Variants in ETFA observed in about 807,000 individuals in gnomAD.
ETFA encodes the protein electron transfer flavoprotein subunit alpha, mitochondrial.
ETFA carries 22 observed loss-of-function variants against 46.2 expected under a neutral mutation model. That is an observed-to-expected ratio of 0.48 (90% confidence interval 0.34 to 0.68). The LOEUF is 0.68. ETFA is among the 30% of genes least tolerant of loss of function. ETFA has a pLI of 0.01. For synonymous variants in ETFA, 131 were observed against 139.9 expected (o/e 0.94, Z 0.45); for missense variants, 345 against 401.1 (o/e 0.86, Z 1.19).
intron 10 of ETFA, among the ~76,000 whole-genome samples, chr15:76,226,713 C>T (rs2039008171): frequency 6.6e-6 from 1 of 152,164 alleles, no homozygotes; most frequent in African/African-American, 2.4e-5. Context: ...CCCGTCTCTA[C>T]TAAAAAACAC....
At chr15:76,290,328 C>T (rs1419893967) in intron 4 of ETFA, among the ~76,000 whole-genome samples, 1 of 100,774 alleles carries the variant, frequency 9.9e-6, no homozygotes, top group Non-Finnish European at 2.3e-5. Flanking sequence ...GCCAAAGTCG[C>T]TACTCTTTTT....
At chr15:76,311,126 G>A (rs949122289) in intron 1 of ETFA, among the ~76,000 whole-genome samples, 1 of 152,162 alleles carries the variant, frequency 6.6e-6, no homozygotes, top group Non-Finnish European at 1.5e-5. Flanking sequence ...CACATCATTC[G>A]GGGTCACCCT....
At chr15:76,263,387 C>T (rs1024014356) in intron 9 of ETFA, among the ~76,000 whole-genome samples, 35 of 152,168 alleles carry the variant, frequency 2.3e-4, no homozygotes, top group African/African-American at 7.2e-4. Flanking sequence ...CATGTGAAAG[C>T]GGAGGATGCA....
At chr15:76,245,839 A>G (rs896203400) in intron 9 of ETFA, among the ~76,000 whole-genome samples, 3 of 152,246 alleles carry the variant, frequency 2.0e-5, no homozygotes, top group Admixed American at 6.5e-5. Flanking sequence ...AAGGCAATCT[A>G]GAAATAAGTA....
chr15:76,272,893 T>A (rs1392549361), intron 9 of ETFA, among the ~76,000 whole-genome samples: 1 of 151,222 alleles, frequency 6.6e-6, no homozygotes, highest in East Asian at 1.9e-4. Flanking sequence ...GCTCAATAAA[T>A]CCACTCTCAC....
At chr15:76,258,453 G>C (rs1165834866) in intron 9 of ETFA, among the ~76,000 whole-genome samples, 1 of 152,158 alleles carries the variant, frequency 6.6e-6, no homozygotes, top group Non-Finnish European at 1.5e-5. Flanking sequence ...AAGTGATGAA[G>C]ATTCAGACCT....
At chr15:76,259,730 A>T in intron 9 of ETFA, 1 of 1,495,054 alleles carries the variant, frequency 6.7e-7, no homozygotes. Flanking sequence ...CCCTGCCAGC[A>T]TGCAGTTCCG....
intron 9 of ETFA, among the ~76,000 whole-genome samples, chr15:76,267,527 C>T (rs778722879): frequency 2.2e-4 from 34 of 151,904 alleles, no homozygotes; most frequent in Non-Finnish European, 3.4e-4. Flanking sequence ...ACTCAAAAAG[C>T]CCCCACTGGA....
intron 9 of ETFA, among the ~76,000 whole-genome samples, chr15:76,248,830 T>C (rs1258057989): frequency 2.0e-5 from 3 of 151,544 alleles, no homozygotes; most frequent in African/African-American, 7.3e-5. Context: ...TGAGCCGAGA[T>C]TGCACCACTC....
At chr15:76,310,670 A>G (rs1166306938) in intron 1 of ETFA, among the ~76,000 whole-genome samples, 1 of 152,236 alleles carries the variant, frequency 6.6e-6, no homozygotes, top group Non-Finnish European at 1.5e-5. Flanking sequence ...CTAATCTACA[A>G]TCTGCTGGTT....
At chr15:76,289,109 T>C (rs1393643347) in intron 4 of ETFA, among the ~76,000 whole-genome samples, 3 of 152,040 alleles carry the variant, frequency 2.0e-5, no homozygotes, top group Non-Finnish European at 2.9e-5. Context: ...TGTTTTGTTT[T>C]TTTCTGTAGA....
intron 9 of ETFA, chr15:76,245,247 C>G (rs2039233090): frequency 6.6e-6 from 1 of 152,130 alleles, no homozygotes; most frequent in Non-Finnish European, 1.5e-5. Context: ...TCTCTCTGTC[C>G]TCTTGGGAAC....
chr15:76,277,596 G>A (rs571325096), intron 8 of ETFA, among the ~76,000 whole-genome samples: 38 of 152,224 alleles, frequency 2.5e-4, no homozygotes, highest in African/African-American at 8.9e-4. Flanking sequence ...TCCATCTCCA[G>A]GATTCAAGCG....
At chr15:76,306,298 G>A (rs1448990265) in intron 1 of ETFA, among the ~76,000 whole-genome samples, 4 of 118,510 alleles carry the variant, frequency 3.4e-5, no homozygotes, top group South Asian at 3.1e-4. Context: ...ACAGAGTCTC[G>A]CTCAGTCGCC....
chr15:76,293,375 C>T (rs1161004900), intron 2 of ETFA, among the ~76,000 whole-genome samples: 2 of 152,146 alleles, frequency 1.3e-5, no homozygotes, highest in Non-Finnish European at 2.9e-5. Flanking sequence ...GTTCAATGTC[C>T]TGGAAATGGT....
At chr15:76,246,715 C>G (rs2039246361) in intron 9 of ETFA, among the ~76,000 whole-genome samples, 1 of 151,976 alleles carries the variant, frequency 6.6e-6, no homozygotes, top group Non-Finnish European at 1.5e-5. Context: ...CACCTGTAGT[C>G]CCAGCTACTC....
At chr15:76,277,955 TTGG>T (rs2039612302) in intron 8 of ETFA, among the ~76,000 whole-genome samples, 1 of 152,194 alleles carries the variant, frequency 6.6e-6, no homozygotes, top group Admixed American at 6.5e-5. Context: ...TCTCTCCAGT[TTGG>T]GGGACAGCAG....
intron 11 of ETFA, 150 bp downstream of exon 11, chr15:76,225,699 C>G: frequency 1.4e-6 from 1 of 695,430 alleles, no homozygotes; most frequent in Non-Finnish European, 2.6e-6. Context: ...TTAAGTAGGT[C>G]AAAATTGTGT....
chr15:76,237,245 GT>G (rs940648950), intron 9 of ETFA, among the ~76,000 whole-genome samples: 32 of 152,124 alleles, frequency 2.1e-4, no homozygotes, highest in Admixed American at 7.9e-4. Flanking sequence ...TAGAGATGGG[GT>G]TTTGCCATGT....
Sources: gnomAD v4.1 joint callset for allele counts (sites outside exome capture counted in the v4.1 genomes callset) on GRCh38, gnomAD v4.1.1 for gene constraint, MANE v1.5 for transcripts, NCBI Gene and HGNC (gene_info 2026-07-23, HGNC 2026-07-21) for gene names.